The following WASF3 variants were observed in gnomAD, a reference collection of about 807,000 sequenced individuals.
The protein encoded by WASF3 is WASP family member 3.
Under a neutral mutation model 46.6 loss-of-function variants are expected in WASF3, and 11 were observed. That is an observed-to-expected ratio of 0.24 (90% CI 0.15 to 0.39). WASF3 has a LOEUF of 0.39. WASF3 is among the 10% of genes least tolerant of loss of function. The probability of loss-of-function intolerance (pLI) is 1.00; values close to 1 mark genes in which losing one functional copy is unlikely to be tolerated. For synonymous variants in WASF3, 242 were observed against 259.7 expected, an observed-to-expected ratio of 0.93 and a Z score of 0.65; for missense variants, 576 against 669.8, an observed-to-expected ratio of 0.86 and a Z score of 1.55.
intron 7 of WASF3, among the ~76,000 whole-genome samples, chr13:26,680,454 T>G (rs1056851375): frequency 6.6e-6 from 1 of 152,184 alleles, no homozygotes; most frequent in Non-Finnish European, 1.5e-5. Flanking sequence ...ATCCCTTTCC[T>G]TTCGGAGTTT....
intron 1 of WASF3, among the ~76,000 whole-genome samples, chr13:26,569,136 G>A (rs1006274080): frequency 4.6e-5 from 7 of 152,248 alleles, no homozygotes; most frequent in African/African-American, 1.7e-4. Flanking sequence ...CATAATATTG[G>A]TTTAAAAAGA....
intron 2 of WASF3, among the ~76,000 whole-genome samples, chr13:26,616,530 TA>T: frequency 6.6e-6 from 1 of 152,240 alleles, no homozygotes; most frequent in Non-Finnish European, 1.5e-5. Flanking sequence ...TTTGTAGTTT[TA>T]TTCATTTTAA....
upstream of WASF3, among the ~76,000 whole-genome samples, chr13:26,554,094 T>C (rs1179441171): frequency 3.2e-3 from 383 of 121,186 alleles, 8 homozygotes; most frequent in African/African-American, 0.013. Context: ...CTTCCTTCCT[T>C]CCTTCTTTCT....
chr13:26,582,073 A>G (rs1879994284), intron 1 of WASF3, among the ~76,000 whole-genome samples: 1 of 152,238 alleles, frequency 6.6e-6, no homozygotes. Flanking sequence ...GAGTCTTTGC[A>G]TGAGTCTGAT....
intron 1 of WASF3, among the ~76,000 whole-genome samples, chr13:26,593,589 A>T (rs7335273): frequency 6.6e-6 from 1 of 151,936 alleles, no homozygotes; most frequent in Non-Finnish European, 1.5e-5. Flanking sequence ...CATTTATTTC[A>T]TGTCATATTT....
chr13:26,646,422 A>G (rs1566061799), intron 3 of WASF3, among the ~76,000 whole-genome samples: 1 of 152,180 alleles, frequency 6.6e-6, no homozygotes, highest in Non-Finnish European at 1.5e-5. Flanking sequence ...TCAAAACATA[A>G]TCTGTTTTTA....
chr13:26,589,323 G>C (rs1566043626), intron 1 of WASF3, among the ~76,000 whole-genome samples: 1 of 152,190 alleles, frequency 6.6e-6, no homozygotes, highest in African/African-American at 2.4e-5. Context: ...TGGAGTGGAG[G>C]GGGCAGTGCC....
intron 1 of WASF3, among the ~76,000 whole-genome samples, chr13:26,564,401 C>T (rs1265049233): frequency 6.6e-6 from 1 of 152,242 alleles, no homozygotes; most frequent in Admixed American, 6.5e-5. Flanking sequence ...TTGGTGCCTT[C>T]TCCCACTGGC....
At chr13:26,601,035 A>C (rs1385610672) in intron 1 of WASF3, among the ~76,000 whole-genome samples, 1 of 152,210 alleles carries the variant, frequency 6.6e-6, no homozygotes, top group East Asian at 1.9e-4. Context: ...TTGTGGGTTT[A>C]TATAGTGTAT....
chr13:26,613,862 G>T (rs1023444931), intron 2 of WASF3, among the ~76,000 whole-genome samples: 2 of 152,154 alleles, frequency 1.3e-5, no homozygotes, highest in Admixed American at 1.3e-4. Context: ...TGGCTAAAAT[G>T]AGGTTTTTGA....
the WASF3 span, among the ~76,000 whole-genome samples, chr13:26,547,668 G>A: frequency 1.9e-4 from 29 of 152,136 alleles, no homozygotes; most frequent in Middle Eastern, 3.4e-3. Flanking sequence ...TACTTCTCCC[G>A]GCTCTTGTAG....
intron 1 of WASF3, among the ~76,000 whole-genome samples, chr13:26,560,717 ATTC>A (rs1416069615): frequency 6.6e-6 from 1 of 152,222 alleles, no homozygotes. Context: ...CATTTGCTTT[ATTC>A]ATTCAGTACA....
intron 3 of WASF3, among the ~76,000 whole-genome samples, chr13:26,664,146 A>G (rs892489816): frequency 6.6e-6 from 1 of 152,220 alleles, no homozygotes; most frequent in Non-Finnish European, 1.5e-5. Context: ...TGGGAACTTT[A>G]GGGTTATTCT....
At chr13:26,654,628 G>A (rs1479526817) in intron 3 of WASF3, among the ~76,000 whole-genome samples, 1 of 152,120 alleles carries the variant, frequency 6.6e-6, no homozygotes, top group African/African-American at 2.4e-5. Flanking sequence ...TGTTATCTAA[G>A]TTCTTAAAAT....
At chr13:26,661,532 T>A (rs1020883344) in intron 3 of WASF3, among the ~76,000 whole-genome samples, 1 of 152,240 alleles carries the variant, frequency 6.6e-6, no homozygotes, top group African/African-American at 2.4e-5. Flanking sequence ...TGCTGGACAC[T>A]CAGGTTCTTC....
chr13:26,629,640 CAG>C (rs1389144931), intron 2 of WASF3, among the ~76,000 whole-genome samples: 1 of 152,116 alleles, frequency 6.6e-6, no homozygotes, highest in African/African-American at 2.4e-5. Flanking sequence ...CCTAGGCACA[CAG>C]GGGAGGGGCA....
intron 1 of WASF3, among the ~76,000 whole-genome samples, chr13:26,592,525 G>A (rs886880329): frequency 6.6e-6 from 1 of 152,062 alleles, no homozygotes; most frequent in African/African-American, 2.4e-5. Context: ...TTTGTCCTCA[G>A]ATGGCCTTTC....
chr13:26,603,835 C>T (rs1880714720), intron 1 of WASF3, among the ~76,000 whole-genome samples: 1 of 152,166 alleles, frequency 6.6e-6, no homozygotes, highest in Admixed American at 6.5e-5. Flanking sequence ...AGACATTTGT[C>T]TACCAGGTGA....
rs144241776 is a variant in WASF3 at position 26,685,755 on chromosome 13, C to T, written c.1419C>T (p.Asp473=). The T allele has an allele frequency of 1.7e-5, 28 of 1,613,088 alleles. No individual in the cohort carries two copies. The highest frequency in any genetic ancestry group is 1.5e-4 in the African/African-American group (11 of 74,868). ...CCAAGCGGGAGCCAGTGGGGAATGACGTGGCCACGATCCTGTCCCGGCGCA... is the reference window on the plus strand; with the variant it reads ...CCAAGCGGGAGCCAGTGGGGAATGATGTGGCCACGATCCTGTCCCGGCGCA... ...QEAKREPVGN[D]VATILSRRIA... is the part of the protein sequence containing the mutation. The change falls in exon 10 of 10, where the codon GAC becomes GAT. Residue 473 remains aspartate (D), a synonymous_variant. Coordinates refer to ENST00000335327, the MANE Select transcript of WASF3 (RefSeq NM_006646.6).
Sources: gnomAD v4.1 joint callset for allele counts (sites outside exome capture counted in the v4.1 genomes callset) on GRCh38, gnomAD v4.1.1 for gene constraint, MANE v1.5 for transcripts, NCBI Gene and HGNC (gene_info 2026-07-23, HGNC 2026-07-21) for gene names.